The following ELAPOR2 variants were observed in gnomAD, a reference collection of about 807,000 sequenced individuals.
ELAPOR2 encodes endosome/lysosome-associated apoptosis and autophagy regulator family member 2.
ELAPOR2 carries 89 observed loss-of-function variants against 120.7 expected under a neutral mutation model. The ratio of observed to expected loss-of-function variants is 0.74; its 90% confidence interval spans 0.62 to 0.88. The LOEUF is 0.88. ELAPOR2 is among the 40% of genes least tolerant of loss of function. The probability of loss-of-function intolerance (pLI) is 0.00; values close to 1 mark genes in which losing one functional copy is unlikely to be tolerated. For synonymous variants in ELAPOR2, 444 were observed against 444.9 expected, an observed-to-expected ratio of 1.00 and a Z score of 0.03; for missense variants, 1,134 against 1,251.6, an observed-to-expected ratio of 0.91 and a Z score of 1.42.
intron 1 of ELAPOR2, among the ~76,000 whole-genome samples, chr7:87,042,834 A>C (rs1794827819): frequency 1.3e-5 from 2 of 152,212 alleles, no homozygotes; most frequent in South Asian, 4.1e-4. Context: ...TGGTTTTTTG[A>C]AAGGATCAAC....
At chr7:86,993,244 A>AAAAAAAAAAAAAAAAG (rs1447816686) in intron 1 of ELAPOR2, among the ~76,000 whole-genome samples, 2 of 150,144 alleles carry the variant, frequency 1.3e-5, no homozygotes, top group Non-Finnish European at 3.0e-5. Flanking sequence ...CAAAAAAAAA[A>AAAAAAAAAAAAAAAAG]AAAAAAGAAA....
chr7:86,941,838 G>C (rs1204162406), intron 5 of ELAPOR2, among the ~76,000 whole-genome samples, 180 bp downstream of exon 5: 1 of 151,744 alleles, frequency 6.6e-6, no homozygotes, highest in African/African-American at 2.4e-5. Context: ...TGAAGCTAGG[G>C]GTAATTTTTT....
intron 1 of ELAPOR2, among the ~76,000 whole-genome samples, chr7:86,990,962 G>T (rs939679486): frequency 6.6e-6 from 1 of 152,126 alleles, no homozygotes. Flanking sequence ...GGAAACTGGG[G>T]TTGTTCCTTT....
intron 1 of ELAPOR2, among the ~76,000 whole-genome samples, chr7:86,997,030 A>C (rs76358856): frequency 0.013 from 1,947 of 152,302 alleles, 17 homozygotes; most frequent in Non-Finnish European, 0.019. Flanking sequence ...GCTTCTAAAA[A>C]TCACTTATAT....
chr7:87,018,271 CCTCGTGAT>C (rs1214446308), intron 1 of ELAPOR2, among the ~76,000 whole-genome samples: 1 of 152,064 alleles, frequency 6.6e-6, no homozygotes, highest in Non-Finnish European at 1.5e-5. Flanking sequence ...GAACTCCTGA[CCTCGTGAT>C]CTACCCGCCT....
intron 20 of ELAPOR2, among the ~76,000 whole-genome samples, chr7:86,892,480 G>A (rs912938196): frequency 6.6e-6 from 1 of 151,988 alleles, no homozygotes; most frequent in Non-Finnish European, 1.5e-5. Context: ...AAGACCTGGA[G>A]TAAATAAATG....
chr7:86,903,220 T>C (rs1043360473), intron 18 of ELAPOR2, among the ~76,000 whole-genome samples: 4 of 152,224 alleles, frequency 2.6e-5, no homozygotes, highest in Admixed American at 1.3e-4. Flanking sequence ...GTCTTAAGAG[T>C]ACTTATTAGT....
chr7:86,934,423 T>C (rs1790474228), intron 8 of ELAPOR2, among the ~76,000 whole-genome samples: 1 of 152,030 alleles, frequency 6.6e-6, no homozygotes, highest in Non-Finnish European at 1.5e-5. Context: ...TGTTTTAAAA[T>C]GGCTCTTTAA....
chr7:86,951,302 G>A (rs189135257), intron 2 of ELAPOR2, among the ~76,000 whole-genome samples: 37 of 152,250 alleles, frequency 2.4e-4, no homozygotes, highest in Admixed American at 2.3e-3. Context: ...TTGGAAGACA[G>A]TTTAGTGTCC....
Position 86,912,137 on chromosome 7 carries a change from G to A in ELAPOR2, c.2104C>T (p.Pro702Ser). The A allele has an allele frequency of 6.2e-7, 1 of 1,612,782 alleles. No individual in the cohort carries two copies. Among genetic ancestry groups the A allele is most frequent in the Non-Finnish European group, 8.5e-7 (1 of 1,179,012 alleles). The change falls in exon 15 of 22, where the codon CCC becomes TCC. Residue 702 changes from proline to serine, a missense_variant. This residue lies in a region of ELAPOR2 where 831 missense variants were observed against 867.6 expected (regional missense o/e 0.96). Transcript: ENST00000450689. ...TTTGTTCCTTTGGAGGTGAAGCTGG[G>A]GCCATTCATTAATGAGCCCACACTG... ...LSSVGSLMNG[P>S]SFTSKGTKYF... is the part of the protein sequence containing the mutation.
At chr7:87,021,642 CTCT>C (rs1483245525) in intron 1 of ELAPOR2, among the ~76,000 whole-genome samples, 1 of 152,104 alleles carries the variant, frequency 6.6e-6, no homozygotes, top group Non-Finnish European at 1.5e-5. Context: ...TATTTTAAAG[CTCT>C]TGATAAATAT....
intron 2 of ELAPOR2, among the ~76,000 whole-genome samples, chr7:86,950,485 G>A (rs1222559293): frequency 6.6e-6 from 1 of 152,144 alleles, no homozygotes; most frequent in African/African-American, 2.4e-5. Context: ...GCCTCTTTGG[G>A]GCTCTGTCTC....
chr7:86,988,638 G>C, intron 1 of ELAPOR2, among the ~76,000 whole-genome samples: 1 of 152,184 alleles, frequency 6.6e-6, no homozygotes, highest in East Asian at 1.9e-4. Context: ...AACGATCATA[G>C]TAACTGCCAT....
intron 18 of ELAPOR2, 73 bp from the exon 19 acceptor site, chr7:86,897,705 C>A: frequency 5.9e-6 from 9 of 1,537,382 alleles, no homozygotes; most frequent in Non-Finnish European, 8.0e-6. Context: ...CTAATCAACA[C>A]CAGAATACCT....
intron 1 of ELAPOR2, among the ~76,000 whole-genome samples, chr7:87,043,761 G>T (rs1047149622): frequency 6.6e-6 from 1 of 151,490 alleles, no homozygotes; most frequent in African/African-American, 2.4e-5. Flanking sequence ...TCTGGCCAGG[G>T]CAATCAGGCA....
Position 86,986,195 on chromosome 7 carries a change from C to T in ELAPOR2, c.190-21171G>A, listed in dbSNP as rs182964191. On this transcript the variant is annotated intron_variant, in intron 1 of 21. Coordinates refer to ENST00000450689, the MANE Select transcript of ELAPOR2 (RefSeq NM_001142749.3). ...CTGTAATCCCAGCACTTTGGGAGGC[C>T]GAGGCGGGCGGATCACGAGGTCAGG... Among the ~76,000 whole-genome samples, 132 of 120,878 alleles carry T rather than the reference C, an allele frequency of 1.1e-3. 26 individuals are homozygous for T. In the East Asian group the frequency reaches 0.02, roughly 19 times the overall value. The allele number at this position is 120,878 out of a possible 152,430, so 79.3% of individuals were successfully genotyped here. A position where few individuals can be genotyped will look rare whatever the true frequency, so the allele number is the denominator to read the frequency against.
intron 1 of ELAPOR2, among the ~76,000 whole-genome samples, chr7:86,993,234 C>CAAAAAAAAAAAAAAAAAAAAA (rs1159917841): frequency 5.3e-5 from 3 of 57,132 alleles, no homozygotes; most frequent in African/African-American, 1.2e-4. Context: ...GACTCCATCT[C>CAAAAAAAAAAAAAAAAAAAAA]AAAAAAAAAA....
intron 21 of ELAPOR2, among the ~76,000 whole-genome samples, chr7:86,887,740 C>T (rs1799760076): frequency 6.6e-6 from 1 of 152,042 alleles, no homozygotes; most frequent in Admixed American, 6.6e-5. Flanking sequence ...AAAAAGATTT[C>T]TGACTCTATC....
chr7:86,960,858 G>A (rs1791675833), intron 2 of ELAPOR2, among the ~76,000 whole-genome samples: 1 of 151,454 alleles, frequency 6.6e-6, no homozygotes, highest in Non-Finnish European at 1.5e-5. Flanking sequence ...TTAAATATGG[G>A]TTATACCAAT....
Sources: gnomAD v4.1 joint callset for allele counts (sites outside exome capture counted in the v4.1 genomes callset) on GRCh38, gnomAD v4.1.1 for gene constraint, gnomAD v4.1.1 regional missense constraint, MANE v1.5 for transcripts, NCBI Gene and HGNC (gene_info 2026-07-23, HGNC 2026-07-21) for gene names.